SORCS2: variants seen among roughly 807,000 people sequenced by gnomAD.
SORCS2 encodes the protein sortilin related VPS10 domain containing receptor 2.
A neutral mutation model predicts 141.6 loss-of-function variants in SORCS2; 100 were observed. That is an observed-to-expected ratio of 0.71 (90% CI 0.60 to 0.83). SORCS2 has a LOEUF of 0.83. SORCS2 is among the 40% of genes least tolerant of loss of function. The pLI, the probability that SORCS2 is intolerant of heterozygous loss-of-function variation, is 0.00. For missense variants in SORCS2, 1,646 were observed against 1,560.2 expected, an observed-to-expected ratio of 1.05 and a Z score of -0.93; for synonymous variants, 789 against 676.9, an observed-to-expected ratio of 1.17 and a Z score of -2.57.
At chr4:7,438,492 T>A (rs1577564372) in intron 2 of SORCS2, among the ~76,000 whole-genome samples, 1 of 152,360 alleles carries the variant, frequency 6.6e-6, no homozygotes, top group Non-Finnish European at 1.5e-5. Flanking sequence ...TTGTTCCTCA[T>A]CAAATGTTTA....
chr4:7,304,118 T>C (rs571943427), intron 1 of SORCS2, among the ~76,000 whole-genome samples: 2 of 152,380 alleles, frequency 1.3e-5, no homozygotes, highest in East Asian at 1.9e-4. Flanking sequence ...GTGCCAGGCA[T>C]GTGTGGTCCC....
At chr4:7,317,662 CAGGGCTGAGGCTT>C (rs72320249) in intron 1 of SORCS2, among the ~76,000 whole-genome samples, 47,298 of 152,022 alleles carry the variant, frequency 0.31, 7,519 homozygotes, top group South Asian at 0.43. Flanking sequence ...CTCTGTTTTC[CAGGGCTGAGGCTT>C]AGGACTTGGG....
At chr4:7,493,430 C>T (rs539778523) in intron 2 of SORCS2, among the ~76,000 whole-genome samples, 36 of 152,246 alleles carry the variant, frequency 2.4e-4, no homozygotes, top group African/African-American at 7.0e-4. Flanking sequence ...TGGATCCTAC[C>T]GGATCTGCCT....
chr4:7,297,177 G>T (rs1272397463), intron 1 of SORCS2, among the ~76,000 whole-genome samples: 2 of 152,174 alleles, frequency 1.3e-5, no homozygotes, highest in African/African-American at 4.8e-5. Flanking sequence ...GGATTCCTCA[G>T]TATGCCCCCT....
chr4:7,728,492 G>A, intron 22 of SORCS2, 30 bp downstream of exon 22: 11 of 1,522,480 alleles, frequency 7.2e-6, no homozygotes, highest in Non-Finnish European at 9.8e-6. Flanking sequence ...AGCCTCCCCA[G>A]CCCCACGGTG....
intron 2 of SORCS2, among the ~76,000 whole-genome samples, chr4:7,461,012 C>T (rs1021896224): frequency 2.0e-5 from 3 of 152,060 alleles, no homozygotes; most frequent in African/African-American, 7.2e-5. Context: ...ACCTGCTGCC[C>T]GGGGAGTGTC....
rs1372814143 is a variant in SORCS2, at chr4:7,726,918, G to A, written c.2869+15G>A. 6.2e-7 allele frequency: 1 copy of A among 1,607,892 alleles called. No homozygotes were observed. The highest frequency in any genetic ancestry group is 1.7e-5 in the Admixed American group (1 of 59,674). On this transcript the variant is annotated intron_variant, in intron 21 of 26. Transcript: ENST00000507866. ...CCGTGTGCTGGGTAAGTACTTCCTG[G>A]GGTCTGGCAGCACGGCCTCTGCATC...
intron 8 of SORCS2, among the ~76,000 whole-genome samples, chr4:7,673,619 G>A (rs907823813): frequency 2.0e-5 from 3 of 152,178 alleles, no homozygotes; most frequent in Non-Finnish European, 4.4e-5. Flanking sequence ...ACGCTGGTGC[G>A]AGGTCTCTCT....
At chr4:7,409,022 T>C (rs532897996) in intron 2 of SORCS2, among the ~76,000 whole-genome samples, 87 of 152,368 alleles carry the variant, frequency 5.7e-4, no homozygotes, top group African/African-American at 2.0e-3. Context: ...ATGCAGTTTT[T>C]AATTCTTGGT....
intron 11 of SORCS2, among the ~76,000 whole-genome samples, chr4:7,694,843 C>T (rs1225915797): frequency 1.3e-5 from 2 of 152,252 alleles, no homozygotes; most frequent in Non-Finnish European, 2.9e-5. Flanking sequence ...CAGGCTGCTC[C>T]CTCTTCCTTG....
intron 2 of SORCS2, among the ~76,000 whole-genome samples, chr4:7,457,368 C>T (rs1356826450): frequency 2.0e-5 from 3 of 152,202 alleles, no homozygotes; most frequent in Non-Finnish European, 4.4e-5. Context: ...ACCTGGGCCC[C>T]GAGTGGCTTT....
intron 2 of SORCS2, among the ~76,000 whole-genome samples, chr4:7,456,794 ATC>A (rs1484537306): frequency 1.3e-5 from 2 of 152,060 alleles, no homozygotes; most frequent in African/African-American, 4.8e-5. Context: ...GTGGAGGGTC[ATC>A]TCTCGACGAT....
intron 3 of SORCS2, among the ~76,000 whole-genome samples, chr4:7,621,632 A>G (rs1719201215): frequency 2.0e-5 from 3 of 152,118 alleles, no homozygotes; most frequent in Non-Finnish European, 2.9e-5. Context: ...TGGTGATCAG[A>G]TGAAATCAGA....
chr4:7,557,289 AT>A (rs1413277543), intron 3 of SORCS2, among the ~76,000 whole-genome samples: 1 of 152,138 alleles, frequency 6.6e-6, no homozygotes, highest in African/African-American at 2.4e-5. Flanking sequence ...GGTGGCAGGG[AT>A]GGCTGGGGGC....
intron 2 of SORCS2, among the ~76,000 whole-genome samples, chr4:7,408,764 T>G (rs1317247129): frequency 6.6e-6 from 1 of 152,220 alleles, no homozygotes; most frequent in Non-Finnish European, 1.5e-5. Flanking sequence ...GGTAATTTTC[T>G]GTATTTTGCA....
chr4:7,396,125 G>T (rs1011902651), intron 1 of SORCS2, among the ~76,000 whole-genome samples, 163 bp from the exon 2 acceptor site: 1 of 152,220 alleles, frequency 6.6e-6, no homozygotes, highest in African/African-American at 2.4e-5. Context: ...GGGCTCTCAT[G>T]TAGGGTGGCC....
chr4:7,554,417 C>T (rs1345439203), intron 3 of SORCS2, among the ~76,000 whole-genome samples: 1 of 152,176 alleles, frequency 6.6e-6, no homozygotes, highest in African/African-American at 2.4e-5. Flanking sequence ...TGGGACCTTC[C>T]TCTTCCTGCT....
chr4:7,604,479 G>T (rs899275579), intron 3 of SORCS2, among the ~76,000 whole-genome samples: 6 of 152,136 alleles, frequency 3.9e-5, no homozygotes, highest in African/African-American at 1.4e-4. Context: ...CACCACGCAC[G>T]GCTCATTTTT....
intron 2 of SORCS2, among the ~76,000 whole-genome samples, chr4:7,403,664 T>C (rs1216595881): frequency 6.6e-6 from 1 of 152,060 alleles, no homozygotes; most frequent in East Asian, 1.9e-4. Flanking sequence ...GATACACTAA[T>C]ACACATTATA....
Sources: gnomAD v4.1 joint callset for allele counts (sites outside exome capture counted in the v4.1 genomes callset) on GRCh38, gnomAD v4.1.1 for gene constraint, MANE v1.5 for transcripts, NCBI Gene and HGNC (gene_info 2026-07-23, HGNC 2026-07-21) for gene names.